Variants in CHST11 observed in about 807,000 individuals in gnomAD.
CHST11 encodes the protein carbohydrate sulfotransferase 11.
CHST11 carries 9 observed loss-of-function variants against 30.4 expected under a neutral mutation model. The observed-to-expected ratio is 0.30, with a 90% CI of 0.18 to 0.52. The LOEUF (loss-of-function observed/expected upper bound fraction) is 0.52. Ranked by LOEUF, CHST11 falls within the 20% of genes least tolerant of loss-of-function variation. The pLI is 0.97. For synonymous variants in CHST11, 152 were observed against 187.8 expected (o/e 0.81, Z 1.56); for missense variants, 348 against 460.6 (o/e 0.76, Z 2.24).
At chr12:104,732,235 G>A (rs144306607) in intron 2 of CHST11, among the ~76,000 whole-genome samples, 52 of 152,328 alleles carry the variant, frequency 3.4e-4, no homozygotes, top group African/African-American at 1.2e-3. Context: ...TGTGCCAGGA[G>A]CCTGTCCTTC....
chr12:104,635,432 G>A (rs2039313543), intron 2 of CHST11, among the ~76,000 whole-genome samples: 1 of 152,230 alleles, frequency 6.6e-6, no homozygotes, highest in South Asian at 2.1e-4. Flanking sequence ...TTAAGAAGAT[G>A]TAATTGCCGG....
Position 104,494,113 on chromosome 12 carries a change from G to C in CHST11, c.118+36584G>C, listed in dbSNP as rs140739548. Among the ~76,000 whole-genome samples, 713 of 152,290 alleles carry C rather than the reference G, an allele frequency of 4.7e-3. 4 individuals carry two copies. Among genetic ancestry groups the C allele is most frequent in the Non-Finnish European group, 6.2e-3 (421 of 68,012 alleles). ...TGAGCCACCGTGCCTGGCCTAACAA[G>C]ATGTCTGTATGTGAAGCCACATTCC... On this transcript the variant is annotated intron_variant, in intron 1 of 2. Coordinates refer to ENST00000303694, the MANE Select transcript of CHST11 (RefSeq NM_018413.6).
chr12:104,723,324 A>G lies in CHST11; in HGVS notation c.205-33625A>G, dbSNP rs530150522. ...CCGACTTGCCCGGGATCACACAGCA[A>G]GTACACACACAACATAGTCAGGACA... On this transcript the variant is annotated intron_variant, in intron 2 of 2. Transcript: ENST00000303694. 3.9e-5 allele frequency among the ~76,000 whole-genome samples: 6 copies of G among 152,350 alleles called. No individual in the cohort carries two copies. In the East Asian group the frequency reaches 9.6e-4, roughly 24 times the overall value.
chr12:104,460,080 CTCTT>C (rs1355228913), intron 1 of CHST11, among the ~76,000 whole-genome samples: 4 of 152,308 alleles, frequency 2.6e-5, no homozygotes, highest in Admixed American at 2.6e-4. Flanking sequence ...GATGTGGAAT[CTCTT>C]TCACTGGTTT....
At chr12:104,593,561 A>C (rs1179814226) in intron 1 of CHST11, among the ~76,000 whole-genome samples, 1 of 152,200 alleles carries the variant, frequency 6.6e-6, no homozygotes, top group African/African-American at 2.4e-5. Context: ...ATATCGGGTC[A>C]ACATTTGGGA....
intron 2 of CHST11, among the ~76,000 whole-genome samples, chr12:104,713,139 T>C (rs11837750): frequency 0.05 from 7,613 of 152,268 alleles, 341 homozygotes; most frequent in African/African-American, 0.12. Context: ...AATGAATGCC[T>C]TGTAACCCAG....
intron 1 of CHST11, among the ~76,000 whole-genome samples, chr12:104,533,310 A>T (rs1217232598): frequency 6.6e-6 from 1 of 152,156 alleles, no homozygotes; most frequent in African/African-American, 2.4e-5. Flanking sequence ...AGTGTAATGA[A>T]CTCGTAAACA....
rs35135589 is a variant in CHST11, at chr12:104,579,243, T to C, written c.119-22663T>C. Among the ~76,000 whole-genome samples the C allele has an allele frequency of 2.2e-3, 340 of 152,316 alleles. 1 individual carries two copies. The highest frequency in any genetic ancestry group is 0.01 in the Middle Eastern group (3 of 294). On this transcript the variant is annotated intron_variant, in intron 1 of 2. Transcript: ENST00000303694. ...CTCAGTGAATATCTGCTCTTTCTTTTTAGCCTTCATGTGGGAGGCAGTTGT... is the reference window on the plus strand; with the variant it reads ...CTCAGTGAATATCTGCTCTTTCTTTCTAGCCTTCATGTGGGAGGCAGTTGT...
chr12:104,693,826 C>G (rs1362484835), intron 2 of CHST11, among the ~76,000 whole-genome samples: 1 of 152,104 alleles, frequency 6.6e-6, no homozygotes, highest in Non-Finnish European at 1.5e-5. Flanking sequence ...AGAGATTAGG[C>G]CTCTGGGCTC....
rs531856502 is a variant in CHST11 at position 104,654,780 on chromosome 12, C to G, written c.204+52789C>G. On this transcript the variant is annotated intron_variant, in intron 2 of 2. Coordinates refer to ENST00000303694, the MANE Select transcript of CHST11 (RefSeq NM_018413.6). ...CAGACGCCAACCTCTAGCCTCCCCA[C>G]AGAAGTGAACTGAGTTAACCATGAG... is the stretch of plus-strand genomic sequence containing the variant. Among the ~76,000 whole-genome samples the G allele has an allele frequency of 4.6e-5, 7 of 152,314 alleles. No homozygotes were observed. The East Asian group carries it at 1.2e-3, about 25-fold the overall frequency.
At chr12:104,607,508 G>A (rs1310890783) in intron 2 of CHST11, among the ~76,000 whole-genome samples, 2 of 152,220 alleles carry the variant, frequency 1.3e-5, no homozygotes, top group Non-Finnish European at 2.9e-5. Flanking sequence ...AGAATCAGGA[G>A]TGAGTGGTTA....
chr12:104,553,351 G>T (rs1395410619), intron 1 of CHST11: 1 of 152,198 alleles, frequency 6.6e-6, no homozygotes, highest in African/African-American at 2.4e-5. Flanking sequence ...AAGTAGTAAT[G>T]CCTTAGGGCA....
intron 2 of CHST11, among the ~76,000 whole-genome samples, chr12:104,625,316 T>A (rs2136063433): frequency 6.6e-6 from 1 of 152,326 alleles, no homozygotes; most frequent in East Asian, 1.9e-4. Context: ...TTCTTTTTCT[T>A]TTTCTGAGAC....
At chr12:104,475,691 T>TATATATATATATATA (rs6144846) in intron 1 of CHST11, among the ~76,000 whole-genome samples, 126 of 127,712 alleles carry the variant, frequency 9.9e-4, no homozygotes, top group East Asian at 1.8e-3. Flanking sequence ...TATATATATA[T>TATATATATATATATA]TTCTGATTAT....
At chr12:104,499,166 T>C (rs1922266) in intron 1 of CHST11, among the ~76,000 whole-genome samples, 136 of 152,360 alleles carry the variant, frequency 8.9e-4, no homozygotes, top group African/African-American at 3.1e-3. Context: ...CAAATACTTC[T>C]TTTTATGGGA....
intron 1 of CHST11, among the ~76,000 whole-genome samples, chr12:104,491,661 A>T (rs1328536936): frequency 2.6e-5 from 4 of 152,094 alleles, no homozygotes; most frequent in South Asian, 4.2e-4. Context: ...TTTTTTCAAT[A>T]GAGACAGTGT....
At chr12:104,517,336 C>T (rs953333711) in intron 1 of CHST11, among the ~76,000 whole-genome samples, 1 of 152,202 alleles carries the variant, frequency 6.6e-6, no homozygotes, top group Non-Finnish European at 1.5e-5. Context: ...TCTGTCTACA[C>T]AGGGGAGCAG....
intron 1 of CHST11, among the ~76,000 whole-genome samples, chr12:104,583,765 T>C (rs1298595447): frequency 6.6e-6 from 1 of 150,562 alleles, no homozygotes; most frequent in Non-Finnish European, 1.5e-5. Context: ...CAGGCTGGAG[T>C]GTAGTGGCGA....
intron 1 of CHST11, among the ~76,000 whole-genome samples, chr12:104,464,483 T>A (rs886343770): frequency 6.6e-6 from 1 of 152,010 alleles, no homozygotes; most frequent in Non-Finnish European, 1.5e-5. Flanking sequence ...AACTAGACCA[T>A]CTCCTTTTTC....
Sources: gnomAD v4.1 joint callset for allele counts (sites outside exome capture counted in the v4.1 genomes callset) on GRCh38, gnomAD v4.1.1 for gene constraint, MANE v1.5 for transcripts, NCBI Gene and HGNC (gene_info 2026-07-23, HGNC 2026-07-21) for gene names.